The following GRAP2 variants were observed in gnomAD, a reference collection of about 807,000 sequenced individuals.
GRAP2 encodes the protein GRB2 related adaptor protein 2.
Under a neutral mutation model 43.5 loss-of-function variants are expected in GRAP2, and 31 were observed. The observed-to-expected ratio is 0.71, with a 90% CI of 0.54 to 0.96. The LOEUF is 0.96. GRAP2 is among the 40% of genes least tolerant of loss of function. The pLI is 0.00. For missense variants in GRAP2, 371 were observed against 424.4 expected, an observed-to-expected ratio of 0.87 and a Z score of 1.11; for synonymous variants, 156 against 164.8, an observed-to-expected ratio of 0.95 and a Z score of 0.41.
chr22:39,903,030 C>G (rs2074019490), intron 1 of GRAP2, among the ~76,000 whole-genome samples: 1 of 152,132 alleles, frequency 6.6e-6, no homozygotes, highest in South Asian at 2.1e-4. Context: ...TATTGATTCC[C>G]AGATAATAAC....
rs975567891 is a variant in GRAP2, at chr22:39,972,764, G to A, written c.*1680G>A. ...AGGAACTCTGTGGTGGGTATTGGGA[G>A]GGAAAAGAAAATAGCCTGGTGGAGG... On this transcript the variant is annotated 3_prime_UTR_variant, in exon 8 of 8. Coordinates refer to ENST00000344138, the MANE Select transcript of GRAP2 (RefSeq NM_004810.4). 3 of 152,558 alleles carry A rather than the reference G, an allele frequency of 2.0e-5. No individual in the cohort carries two copies. The highest frequency in any genetic ancestry group is 4.8e-5 in the African/African-American group (2 of 41,444). The allele number at this position is 152,558 out of a possible 1,614,324, so 9.5% of individuals were successfully genotyped here. A position where few individuals can be genotyped will look rare whatever the true frequency, so the allele number is the denominator to read the frequency against.
Position 39,968,136 on chromosome 22 carries a change from A to T in GRAP2, c.554A>T (p.Lys185Met). Residue 185 changes from lysine to methionine, a missense_variant, in exon 6 of 8, where the codon AAG becomes ATG. Coordinates refer to ENST00000344138, the MANE Select transcript of GRAP2 (RefSeq NM_004810.4). ...GAAATCCGACCTTCGATGAACCGGA[A>T]GCTGTCGGATCACCCCCCGACCCTT... is the stretch of plus-strand genomic sequence containing the variant. ...GEEIRPSMNR[K>M]LSDHPPTLPL... is the part of the protein sequence containing the mutation. 6.2e-7 allele frequency: 1 copy of T among 1,607,966 alleles called. No homozygotes were observed. The highest frequency in any genetic ancestry group is 8.5e-7 in the Non-Finnish European group (1 of 1,177,242).
intron 1 of GRAP2, among the ~76,000 whole-genome samples, chr22:39,911,371 C>G (rs1260168609): frequency 1.1e-4 from 16 of 151,958 alleles, no homozygotes; most frequent in African/African-American, 3.9e-4. Flanking sequence ...AAATGACTCT[C>G]TTCCCTCCAT....
At chr22:39,949,868 C>A (rs1405885591) in intron 2 of GRAP2, among the ~76,000 whole-genome samples, 1 of 152,184 alleles carries the variant, frequency 6.6e-6, no homozygotes. Flanking sequence ...TACCTCTTGT[C>A]TTTTTCCTCC....
chr22:39,960,099 T>C lies in GRAP2; in HGVS notation c.215T>C (p.Leu72Pro), dbSNP rs2067101802. The change falls in exon 4 of 8, where the codon CTC (leucine) becomes CCC (proline). Residue 72 changes from leucine (L) to proline (P), a missense_variant. By Grantham distance (98) the Leu-to-Pro change is moderately conservative. Transcript: ENST00000344138. Reference protein sequence around the residue: ...GLSRHQAENLLMGKEVGFFII... With the variant: ...GLSRHQAENLPMGKEVGFFII... The stretch of plus-strand genomic sequence containing the variant: ...TCTCGACACCAGGCAGAGAACTTAC[T>C]CATGGGCAAGGAGGTTGGCTTCTTC... The C allele has an allele frequency of 1.2e-6, 2 of 1,613,022 alleles. No individual in the cohort carries two copies. The highest frequency in any genetic ancestry group is 1.7e-6 in the Non-Finnish European group (2 of 1,178,982).
In GRAP2 at chr22:39,966,087, G is replaced by C. The variant is rs2067170116; in HGVS notation, c.388G>C (p.Asp130His). ...GTTTCCATCCCTAAATAAGCTGGTA[G>C]ACTACTACAGGACAAATTCCATCTC... ...EKFPSLNKLV[D>H]YYRTNSISRQ... Residue 130 changes from aspartate to histidine, a missense_variant, in exon 5 of 8, where the codon GAC (aspartate) becomes CAC (histidine). Coordinates refer to ENST00000344138, the MANE Select transcript of GRAP2 (RefSeq NM_004810.4). 1 of 1,613,746 alleles carries C rather than the reference G, an allele frequency of 6.2e-7. No individual in the cohort carries two copies. Among genetic ancestry groups the C allele is most frequent in the South Asian group, 1.1e-5 (1 of 91,088 alleles).
At chr22:39,926,040 G>A (rs1362187346) in intron 1 of GRAP2, among the ~76,000 whole-genome samples, 2 of 152,158 alleles carry the variant, frequency 1.3e-5, no homozygotes, top group Non-Finnish European at 2.9e-5. Flanking sequence ...TCTTGCAATT[G>A]TCTATTTATA....
intron 1 of GRAP2, among the ~76,000 whole-genome samples, chr22:39,945,156 T>C (rs1447121768): frequency 6.6e-6 from 1 of 152,204 alleles, no homozygotes; most frequent in Non-Finnish European, 1.5e-5. Context: ...CACAACAATT[T>C]TAATTTGCCT....
At chr22:39,964,634 C>A in intron 4 of GRAP2, 1 of 646,342 alleles carries the variant, frequency 1.5e-6, no homozygotes, top group Non-Finnish European at 2.8e-6. Context: ...CTCTCTATTC[C>A]CTCCTATAAT....
At chr22:39,927,032 C>T (rs1259185918) in intron 1 of GRAP2, among the ~76,000 whole-genome samples, 1 of 152,214 alleles carries the variant, frequency 6.6e-6, no homozygotes, top group Non-Finnish European at 1.5e-5. Flanking sequence ...GAATTCAGGA[C>T]TAGAATTGCT....
intron 1 of GRAP2, among the ~76,000 whole-genome samples, chr22:39,945,525 CTGGT>C (rs1290544316): frequency 3.9e-5 from 6 of 152,298 alleles, no homozygotes; most frequent in African/African-American, 1.4e-4. Context: ...TCCCAGTTGA[CTGGT>C]CGCTGAAAGT....
intron 1 of GRAP2, among the ~76,000 whole-genome samples, chr22:39,931,374 C>T (rs566377856): frequency 9.2e-5 from 14 of 152,286 alleles, no homozygotes; most frequent in African/African-American, 2.9e-4. Flanking sequence ...GAAGATCATT[C>T]AAACAACAGA....
At chr22:39,922,921 A>G (rs749396314) in intron 1 of GRAP2, among the ~76,000 whole-genome samples, 2 of 152,146 alleles carry the variant, frequency 1.3e-5, no homozygotes, top group Admixed American at 6.5e-5. Context: ...ATGCGCCTGT[A>G]GTCCCAGCTA....
chr22:39,963,229 G>C (rs1174725007), intron 4 of GRAP2, among the ~76,000 whole-genome samples: 1 of 152,110 alleles, frequency 6.6e-6, no homozygotes, highest in Non-Finnish European at 1.5e-5. Context: ...TTTGTTAAGG[G>C]CCTGAAACAC....
intron 1 of GRAP2, among the ~76,000 whole-genome samples, chr22:39,927,907 A>G (rs1240627949): frequency 1.3e-5 from 2 of 152,098 alleles, no homozygotes; most frequent in East Asian, 1.9e-4. Context: ...GACAAAAACT[A>G]TTTTCTTACT....
intron 1 of GRAP2, among the ~76,000 whole-genome samples, chr22:39,938,773 G>T (rs1415756070): frequency 6.6e-6 from 1 of 152,258 alleles, no homozygotes; most frequent in Non-Finnish European, 1.5e-5. Flanking sequence ...GCAGCCAGAG[G>T]ATGAATCGTT....
intron 1 of GRAP2, among the ~76,000 whole-genome samples, chr22:39,910,722 T>G (rs2066556082): frequency 6.6e-6 from 1 of 151,024 alleles, no homozygotes; most frequent in Admixed American, 6.6e-5. Flanking sequence ...TTTCTTATTC[T>G]GTACTTACAC....
intron 4 of GRAP2, chr22:39,964,213 G>A (rs180896840): frequency 8.4e-5 from 47 of 557,856 alleles, no homozygotes; most frequent in East Asian, 8.0e-4. Context: ...GGATCTAATG[G>A]TAAAGGCTCA....
At chr22:39,935,546 A>G (rs1319180826) in intron 1 of GRAP2, among the ~76,000 whole-genome samples, 1 of 152,244 alleles carries the variant, frequency 6.6e-6, no homozygotes, top group Non-Finnish European at 1.5e-5. Flanking sequence ...CATTTGATGA[A>G]AGGAATTTGC....
Sources: gnomAD v4.1 joint callset for allele counts (sites outside exome capture counted in the v4.1 genomes callset) on GRCh38, gnomAD v4.1.1 for gene constraint, MANE v1.5 for transcripts, NCBI Gene and HGNC (gene_info 2026-07-23, HGNC 2026-07-21) for gene names.